ERICH1: variants seen among roughly 807,000 people sequenced by gnomAD.
The protein encoded by ERICH1 is glutamate-rich protein 1.
In ERICH1, 56 loss-of-function variants were observed where a neutral mutation model predicts 39.6. The observed-to-expected ratio is 1.41, with a 90% confidence interval of 1.14 to 1.77. The LOEUF is 1.77. ERICH1 is among the 40% of genes most tolerant of loss of function. The probability of loss-of-function intolerance (pLI) is 0.00; values close to 1 mark genes in which losing one functional copy is unlikely to be tolerated. For missense variants in ERICH1, 826 were observed against 575.4 expected (o/e 1.44, Z -4.45); for synonymous variants, 313 against 223.6 (o/e 1.40, Z -3.57).
intron 3 of ERICH1, among the ~76,000 whole-genome samples, chr8:681,311 T>C (rs1366779070): frequency 2.6e-5 from 4 of 152,174 alleles, no homozygotes; most frequent in African/African-American, 9.7e-5. Context: ...CTGTAAAAAA[T>C]AGCTTATAAT....
chr8:638,614 G>T (rs191294411), intron 3 of ERICH1, among the ~76,000 whole-genome samples: 8 of 152,284 alleles, frequency 5.3e-5, no homozygotes, highest in African/African-American at 9.6e-5. Flanking sequence ...TCTTGCGATG[G>T]AAACTCCCTT....
At chr8:727,845 A>C (rs1359529177) in intron 1 of ERICH1, among the ~76,000 whole-genome samples, 1 of 152,202 alleles carries the variant, frequency 6.6e-6, no homozygotes, top group East Asian at 1.9e-4. Context: ...CAAGGAGTCA[A>C]AGGACTGGCC....
intron 3 of ERICH1, among the ~76,000 whole-genome samples, chr8:651,593 C>A (rs1441136089): frequency 6.6e-6 from 1 of 151,746 alleles, no homozygotes; most frequent in East Asian, 1.9e-4. Flanking sequence ...AGACGGAGAG[C>A]TGGGGGCAGG....
exon 4 of ERICH1, chr8:614,955 A>G: frequency 2.9e-6 from 1 of 349,218 alleles, no homozygotes; most frequent in Non-Finnish European, 5.1e-6. Flanking sequence ...GAGAGGGACA[A>G]ACTGTGACTG....
intron 2 of ERICH1, among the ~76,000 whole-genome samples, chr8:701,130 G>A (rs1242341262): frequency 1.3e-5 from 2 of 152,360 alleles, no homozygotes; most frequent in African/African-American, 2.4e-5. Context: ...GGGCCAAGAA[G>A]AACAGAGCAA....
At chr8:657,558 C>T (rs1484555597) in intron 3 of ERICH1, among the ~76,000 whole-genome samples, 2 of 149,690 alleles carry the variant, frequency 1.3e-5, no homozygotes, top group African/African-American at 4.9e-5. Context: ...TCCGTCAGTC[C>T]AGACTGGCGC....
chr8:657,608 G>A (rs1362842220), intron 3 of ERICH1, among the ~76,000 whole-genome samples: 1 of 150,786 alleles, frequency 6.6e-6, no homozygotes, highest in Non-Finnish European at 1.5e-5. Context: ...GGGTCTCTGT[G>A]GGGAAATGCA....
chr8:668,524 G>T, intron 5 of ERICH1, 74 bp downstream of exon 5: 2 of 1,522,590 alleles, frequency 1.3e-6, no homozygotes, highest in Non-Finnish European at 1.8e-6. Context: ...TTTTGGTGGC[G>T]TGTAAGTCTT....
chr8:663,561 A>G (rs929883061), downstream of ERICH1, among the ~76,000 whole-genome samples: 7 of 152,186 alleles, frequency 4.6e-5, no homozygotes, highest in Non-Finnish European at 5.9e-5. Context: ...GACAGGGCAC[A>G]CATGGGTCCT....
intron 1 of ERICH1, among the ~76,000 whole-genome samples, chr8:723,790 C>T (rs989214920): frequency 3.3e-5 from 5 of 152,106 alleles, no homozygotes; most frequent in Admixed American, 1.3e-4. Context: ...CCAGCCACAG[C>T]TTTCTTTAAA....
chr8:632,147 G>A (rs541272519), intron 3 of ERICH1, among the ~76,000 whole-genome samples: 2 of 152,320 alleles, frequency 1.3e-5, no homozygotes, highest in East Asian at 3.9e-4. Context: ...TGGGATAAAT[G>A]AATAAGGGAG....
intron 3 of ERICH1, among the ~76,000 whole-genome samples, chr8:653,654 G>T (rs556164609): frequency 1.3e-5 from 2 of 152,242 alleles, no homozygotes; most frequent in African/African-American, 4.8e-5. Flanking sequence ...TTCAGTTGAA[G>T]TGTTTCTTTT....
intron 3 of ERICH1, among the ~76,000 whole-genome samples, chr8:622,268 T>C (rs115036613): frequency 9.6e-4 from 146 of 152,182 alleles, no homozygotes; most frequent in African/African-American, 3.4e-3. Flanking sequence ...GGTCTGAATG[T>C]TTGTATCCAC....
intron 3 of ERICH1, among the ~76,000 whole-genome samples, chr8:633,800 G>A (rs538285385): frequency 2.0e-5 from 3 of 152,330 alleles, no homozygotes; most frequent in East Asian, 3.9e-4. Context: ...AAAGACAGCC[G>A]CTTCCACCGA....
chr8:620,052 A>G (rs1018330405), intron 3 of ERICH1, among the ~76,000 whole-genome samples: 16 of 152,230 alleles, frequency 1.1e-4, no homozygotes, highest in African/African-American at 3.6e-4. Context: ...GGTGGCTCAC[A>G]CCTGTAATCC....
intron 4 of ERICH1, among the ~76,000 whole-genome samples, chr8:673,028 C>T (rs1328666838): frequency 6.6e-6 from 1 of 152,262 alleles, no homozygotes; most frequent in African/African-American, 2.4e-5. Context: ...CTGGCCAGGG[C>T]CACCACACTG....
intron 2 of ERICH1, among the ~76,000 whole-genome samples, chr8:708,700 T>TTTTTTTTTTTC (rs1813995803): frequency 7.4e-6 from 1 of 136,020 alleles, no homozygotes; most frequent in Non-Finnish European, 1.6e-5. Context: ...TTTTTTTTTT[T>TTTTTTTTTTTC]TTTTTTTTTT....
intron 4 of ERICH1, chr8:672,278 G>C (rs1803605693): frequency 6.6e-6 from 1 of 152,228 alleles, no homozygotes; most frequent in South Asian, 2.1e-4. Context: ...CAGTGTCTTA[G>C]CCATGTCTTC....
intron 3 of ERICH1, among the ~76,000 whole-genome samples, chr8:643,946 A>G (rs1166451907): frequency 2.0e-5 from 3 of 152,266 alleles, no homozygotes; most frequent in South Asian, 4.1e-4. Context: ...AGCAGGATGC[A>G]GCCCCCTGAG....
Sources: allele counts gnomAD v4.1 joint callset (sites outside exome capture counted in the v4.1 genomes callset), GRCh38; gene constraint gnomAD v4.1.1; transcripts MANE v1.5; gene names NCBI Gene and HGNC (gene_info 2026-07-23, HGNC 2026-07-21).